ABCC12: variants seen among roughly 807,000 people sequenced by gnomAD.
ABCC12 encodes ATP binding cassette subfamily C member 12.
Under a neutral mutation model 151.1 loss-of-function variants are expected in ABCC12, and 142 were observed. That is an observed-to-expected ratio of 0.94 (90% CI 0.82 to 1.08). The LOEUF (loss-of-function observed/expected upper bound fraction) is 1.08, where lower values mean the gene tolerates loss of function less well. Ranked by LOEUF, ABCC12 falls within the 50% of genes least tolerant of loss-of-function variation. ABCC12 has a pLI of 0.00. For missense variants in ABCC12, 1,638 were observed against 1,691.1 expected, an observed-to-expected ratio of 0.97 and a Z score of 0.55; for synonymous variants, 645 against 646.4, an observed-to-expected ratio of 1.00 and a Z score of 0.03.
intron 14 of ABCC12, 124 bp downstream of exon 14, chr16:48,117,137 G>T: frequency 2.3e-6 from 2 of 867,160 alleles, no homozygotes; most frequent in Non-Finnish European, 3.5e-6. Context: ...TGGAACCTGA[G>T]CTTTGCCCAC....
At chr16:48,140,952 G>A (rs1227404339) in intron 5 of ABCC12, 32 bp from the exon 6 acceptor site, 1 of 1,589,128 alleles carries the variant, frequency 6.3e-7, no homozygotes, top group East Asian at 2.2e-5. Flanking sequence ...AGAAGAGAGG[G>A]CCACTGAGGG....
chr16:48,111,387 C>A, intron 18 of ABCC12, 49 bp downstream of exon 18: 2 of 1,586,224 alleles, frequency 1.3e-6, no homozygotes, highest in South Asian at 2.2e-5. Context: ...ACGGTAGATG[C>A]CCAATACATC....
intron 29 of ABCC12, 45 bp downstream of exon 29, chr16:48,085,548 G>A (rs1007056199): frequency 6.4e-7 from 1 of 1,565,664 alleles, no homozygotes; most frequent in Non-Finnish European, 8.8e-7. Context: ...TGGCGCTGCG[G>A]GAAATATCCA....
At chr16:48,104,544 A>G (rs1416088609) in intron 21 of ABCC12, among the ~76,000 whole-genome samples, 176 bp from the exon 22 acceptor site, 1 of 152,170 alleles carries the variant, frequency 6.6e-6, no homozygotes, top group Non-Finnish European at 1.5e-5. Flanking sequence ...GCCACCGTGA[A>G]TGAGTGTGAA....
At chr16:48,140,613 G>A (rs879377140) in intron 6 of ABCC12, 74 bp downstream of exon 6, 1 of 1,402,820 alleles carries the variant, frequency 7.1e-7, no homozygotes, top group Non-Finnish European at 9.9e-7. Flanking sequence ...GCTCCACTCA[G>A]GATCCACATC....
chr16:48,095,778 T>A (rs1270448562), intron 24 of ABCC12, among the ~76,000 whole-genome samples: 1 of 150,444 alleles, frequency 6.6e-6, no homozygotes, highest in Non-Finnish European at 1.5e-5. Context: ...TCCAAGCTGA[T>A]GAGAAATTGG....
In ABCC12 at chr16:48,096,761, C is replaced by A. The variant is rs1201210975; in HGVS notation, c.3180G>T (p.Leu1060Phe). Residue 1060 changes from leucine to phenylalanine, a missense_variant, in exon 24 of 31, where the codon TTG (leucine) becomes TTT (phenylalanine). By Grantham distance (22) the Leu-to-Phe change is conservative. Transcript: ENST00000311303. ...CAGGCATTACCTGGATGATGTATGACAATGACAGGCCTTTGGATGAAGTAC... is the reference window on the plus strand; with the variant it reads ...CAGGCATTACCTGGATGATGTATGAAAATGACAGGCCTTTGGATGAAGTAC... Reference protein sequence around the residue: ...SISTSSKGLSLSYIIQLSGLL... With the variant: ...SISTSSKGLSFSYIIQLSGLL... The A allele has an allele frequency of 1.9e-6, 3 of 1,613,830 alleles. No homozygotes were observed. The highest frequency in any genetic ancestry group is 3.3e-5 in the Admixed American group (2 of 59,996).
chr16:48,130,084 C>T (rs947967919), intron 10 of ABCC12, among the ~76,000 whole-genome samples: 1 of 152,164 alleles, frequency 6.6e-6, no homozygotes, highest in Non-Finnish European at 1.5e-5. Flanking sequence ...ATTTCTGACT[C>T]GGGTGAGTAA....
At chr16:48,107,117 C>G (rs1397317944) in intron 20 of ABCC12, among the ~76,000 whole-genome samples, 3 of 152,188 alleles carry the variant, frequency 2.0e-5, no homozygotes, top group African/African-American at 7.2e-5. Context: ...AAAGTGGTGT[C>G]TATACCCTGC....
Position 48,133,825 on chromosome 16 carries a change from C to G in ABCC12, c.990G>C (p.Arg330Ser). Reference sequence around the variant, plus strand: ...CTTTTTCCAGTAATTTTCTTTCCCTCCTTCTTATATCTGCAAAATAGAACA... The same window carrying G: ...CTTTTTCCAGTAATTTTCTTTCCCTGCTTCTTATATCTGCAAAATAGAACA... ...SFTNTIQDIR[R>S]RERKLLEKAG... is the part of the protein sequence containing the mutation. The change falls in exon 9 of 31, where the codon AGG becomes AGC. Residue 330 changes from arginine to serine, a missense_variant. Transcript: ENST00000311303. 6.2e-7 allele frequency: 1 copy of G among 1,614,170 alleles called. No individual in the cohort carries two copies. Among genetic ancestry groups the G allele is most frequent in the East Asian group, 2.2e-5 (1 of 44,880 alleles).
intron 2 of ABCC12, among the ~76,000 whole-genome samples, chr16:48,148,767 A>G (rs999280594): frequency 6.6e-6 from 1 of 150,822 alleles, no homozygotes. Context: ...TGTATTTACT[A>G]CTGGCACAAC....
chr16:48,124,369 C>T, intron 11 of ABCC12, 85 bp from the exon 12 acceptor site: 1 of 1,356,722 alleles, frequency 7.4e-7, no homozygotes, highest in Non-Finnish European at 1.1e-6. Context: ...CCAAACTATG[C>T]TGGTCAGGCC....
intron 26 of ABCC12, 76 bp from the exon 27 acceptor site, chr16:48,088,161 G>T: frequency 6.6e-7 from 1 of 1,503,904 alleles, no homozygotes; most frequent in Admixed American, 1.8e-5. Context: ...TTTAATCAGT[G>T]GGATTTTTAA....
intron 13 of ABCC12, among the ~76,000 whole-genome samples, chr16:48,117,863 T>C (rs1479904999): frequency 6.6e-6 from 1 of 152,138 alleles, no homozygotes; most frequent in African/African-American, 2.4e-5. Context: ...TCACTGCTAG[T>C]AGGTTGGAGA....
rs1355008947 is a variant in ABCC12, at chr16:48,082,624, G to A, written c.*1091C>T. On this transcript the variant is annotated 3_prime_UTR_variant, in exon 31 of 31. Coordinates refer to ENST00000311303, the MANE Select transcript of ABCC12 (RefSeq NM_001393797.1). Reference sequence around the variant, plus strand: ...GACCAACACTTACAAGGGAAGTGGGGTGGGGGGTTGTGGTCTGGAAGCTTT... The same window carrying A: ...GACCAACACTTACAAGGGAAGTGGGATGGGGGGTTGTGGTCTGGAAGCTTT... Among the ~76,000 whole-genome samples the A allele has an allele frequency of 1.3e-5, 2 of 152,202 alleles. No individual in the cohort carries two copies. The highest frequency in any genetic ancestry group is 2.1e-4 in the South Asian group (1 of 4,828).
chr16:48,106,571 GCTCT>G (rs1000029876), intron 20 of ABCC12, among the ~76,000 whole-genome samples: 11 of 152,168 alleles, frequency 7.2e-5, no homozygotes. Flanking sequence ...TCCAGAGATG[GCTCT>G]CTATTTCTGC....
chr16:48,095,760 G>A (rs1963074081), intron 24 of ABCC12, among the ~76,000 whole-genome samples: 1 of 150,806 alleles, frequency 6.6e-6, no homozygotes, highest in Non-Finnish European at 1.5e-5. Context: ...AGAAAAAGGA[G>A]AAATGTTTCC....
intron 27 of ABCC12, chr16:48,087,612 T>C: frequency 4.2e-6 from 1 of 238,920 alleles, no homozygotes; most frequent in South Asian, 1.4e-4. Flanking sequence ...GATGGGATAC[T>C]GGGACACAGG....
intron 29 of ABCC12, 34 bp from the exon 30 acceptor site, chr16:48,084,107 C>T (rs756452070): frequency 8.9e-6 from 14 of 1,566,872 alleles, no homozygotes; most frequent in Non-Finnish European, 8.6e-7. Context: ...GCCAAAGGCG[C>T]ACTGAGAGGG....
Sources: gnomAD v4.1 joint callset for allele counts (sites outside exome capture counted in the v4.1 genomes callset) on GRCh38, gnomAD v4.1.1 for gene constraint, MANE v1.5 for transcripts, NCBI Gene and HGNC (gene_info 2026-07-23, HGNC 2026-07-21) for gene names.